Variants in LRBA observed in about 807,000 individuals in gnomAD.
The protein encoded by LRBA is LPS responsive beige-like anchor protein.
Under a neutral mutation model 330.0 loss-of-function variants are expected in LRBA, and 176 were observed. That is an observed-to-expected ratio of 0.53 (90% CI 0.47 to 0.60). The LOEUF (loss-of-function observed/expected upper bound fraction) is 0.60, where lower values mean the gene tolerates loss of function less well. LRBA is among the 20% of genes least tolerant of loss of function. The pLI, the probability that LRBA is intolerant of heterozygous loss-of-function variation, is 0.00. For synonymous variants in LRBA, 1,230 were observed against 1,193.0 expected, an observed-to-expected ratio of 1.03 and a Z score of -0.64; for missense variants, 3,259 against 3,444.8, an observed-to-expected ratio of 0.95 and a Z score of 1.35.
At chr4:150,397,879 T>A (rs1264897745) in intron 47 of LRBA, among the ~76,000 whole-genome samples, 1 of 152,200 alleles carries the variant, frequency 6.6e-6, no homozygotes, top group African/African-American at 2.4e-5. Flanking sequence ...TACAACAATG[T>A]CTGGTGCATA....
chr4:150,579,310 C>T (rs1281704006), intron 40 of LRBA: 1 of 456,324 alleles, frequency 2.2e-6, no homozygotes, highest in Non-Finnish European at 4.4e-6. Context: ...GAAGAGAGGA[C>T]CGCAAAGGCG....
chr4:150,340,487 G>A (rs1321083263), intron 48 of LRBA, among the ~76,000 whole-genome samples: 1 of 152,068 alleles, frequency 6.6e-6, no homozygotes, highest in Admixed American at 6.6e-5. Flanking sequence ...TCAATTTAAT[G>A]TCATTGATTA....
At position 150,264,533 on chromosome 4, in the gene LRBA, T is replaced by C. The variant is rs1745068376; in HGVS notation, c.*1189A>G. ...CCAACAATTCAATTACAGATGCCAT[T>C]TTATTCAGCTTTTTCTGTCAAACTG... is the stretch of plus-strand genomic sequence containing the variant. On this transcript the variant is annotated 3_prime_UTR_variant, in exon 57 of 57. Transcript: ENST00000651943. The C allele has an allele frequency of 6.6e-6, 1 of 152,280 alleles. No homozygotes were observed. Among genetic ancestry groups the C allele is most frequent in the South Asian group, 2.1e-4 (1 of 4,836 alleles). The allele number at this position is 152,280 out of a possible 1,614,324, so 9.4% of individuals were successfully genotyped here. A position where few individuals can be genotyped will look rare whatever the true frequency, so the allele number is the denominator to read the frequency against.
intron 40 of LRBA, among the ~76,000 whole-genome samples, chr4:150,513,463 C>G (rs530458195): frequency 6.6e-6 from 1 of 152,328 alleles, no homozygotes; most frequent in South Asian, 2.1e-4. Flanking sequence ...ACTGGGAACA[C>G]AGCATCCACC....
chr4:150,993,866 G>A (rs1232098998), intron 2 of LRBA, among the ~76,000 whole-genome samples: 6 of 151,798 alleles, frequency 4.0e-5, no homozygotes, highest in Non-Finnish European at 1.5e-5. Context: ...AGATTTGGGT[G>A]GGGACACAGA....
At chr4:150,701,520 T>C (rs925509615) in intron 36 of LRBA, among the ~76,000 whole-genome samples, 3 of 152,192 alleles carry the variant, frequency 2.0e-5, no homozygotes, top group Admixed American at 6.5e-5. Flanking sequence ...ACAATGTCAG[T>C]AGGCAACAGG....
rs151098416 is a variant in LRBA, at chr4:150,353,153, T to C, written c.7195-2994A>G. ...AGCTCTACTATAATAGATTAGCATA[T>C]AATATCTCTGAGTTTACAAAAAATA... is the stretch of plus-strand genomic sequence containing the variant. On this transcript the variant is annotated intron_variant, in intron 47 of 56. Transcript: ENST00000651943. 2.0e-5 allele frequency among the ~76,000 whole-genome samples: 3 copies of C among 152,188 alleles called. No individual in the cohort carries two copies. In the East Asian group the frequency reaches 5.8e-4, roughly 29 times the overall value.
intron 37 of LRBA, among the ~76,000 whole-genome samples, chr4:150,654,734 C>T (rs1780018302): frequency 1.3e-5 from 2 of 152,264 alleles, no homozygotes; most frequent in Admixed American, 6.5e-5. Flanking sequence ...TGATGTTCCC[C>T]TTCCTGTGTC....
chr4:150,350,088 T>C lies in LRBA; in HGVS notation c.7266A>G (p.Gln2422=), dbSNP rs1429158694. 1 of 1,610,038 alleles carries C rather than the reference T, an allele frequency of 6.2e-7. No homozygotes were observed. The highest frequency in any genetic ancestry group is 8.5e-7 in the Non-Finnish European group (1 of 1,178,614). ...TGAGGGCTCGGACAGCTTCTGGTCC[T>C]TGCTGTTTATAGCCAAAAATGAGAT... ...WIDLIFGYKQ[Q]GPEAVRALNV... is the part of the protein sequence containing the mutation. Residue 2422 remains glutamine, a synonymous_variant, in exon 48 of 57, where the codon CAA becomes CAG. Transcript: ENST00000651943.
intron 31 of LRBA, among the ~76,000 whole-genome samples, chr4:150,812,700 A>G (rs1212142143): frequency 2.6e-5 from 4 of 152,208 alleles, no homozygotes; most frequent in African/African-American, 4.8e-5. Context: ...AATAATGTAT[A>G]TGGCTCTGAT....
At chr4:150,379,577 T>A (rs997413777) in intron 47 of LRBA, among the ~76,000 whole-genome samples, 2 of 152,052 alleles carry the variant, frequency 1.3e-5, no homozygotes, top group African/African-American at 4.8e-5. Context: ...GGGTCACACA[T>A]CTATGCTATT....
chr4:150,768,451 C>T (rs1736084271), intron 34 of LRBA, among the ~76,000 whole-genome samples: 1 of 152,154 alleles, frequency 6.6e-6, no homozygotes, highest in African/African-American at 2.4e-5. Context: ...CCATGGTAAA[C>T]ATTGGAAGTT....
intron 48 of LRBA, among the ~76,000 whole-genome samples, chr4:150,329,105 C>G (rs988134774): frequency 2.6e-5 from 4 of 152,124 alleles, no homozygotes; most frequent in African/African-American, 9.7e-5. Flanking sequence ...TCTGATTATT[C>G]TATCTCAATG....
chr4:151,009,910 G>A (rs917539714), intron 2 of LRBA, among the ~76,000 whole-genome samples: 3 of 151,934 alleles, frequency 2.0e-5, no homozygotes, highest in Middle Eastern at 3.2e-3. Context: ...AACCTGGGAG[G>A]CGGACCTTGC....
At chr4:150,510,844 AT>A (rs1342069788) in intron 40 of LRBA, among the ~76,000 whole-genome samples, 1 of 151,590 alleles carries the variant, frequency 6.6e-6, no homozygotes, top group African/African-American at 2.4e-5. Flanking sequence ...ATTTTTTATT[AT>A]TTTATTTATT....
chr4:150,684,349 A>C (rs1231338895), intron 36 of LRBA, among the ~76,000 whole-genome samples: 1 of 152,158 alleles, frequency 6.6e-6, no homozygotes, highest in Non-Finnish European at 1.5e-5. Context: ...TTAGAACATG[A>C]AACTGTTTGG....
intron 41 of LRBA, among the ~76,000 whole-genome samples, chr4:150,489,322 A>T (rs1402916312): frequency 1.7e-3 from 40 of 22,934 alleles, no homozygotes; most frequent in Non-Finnish European, 2.4e-3. Flanking sequence ...GAATATATAA[A>T]ATATATTACA....
intron 40 of LRBA, chr4:150,579,219 T>G (rs1417167837): frequency 6.6e-6 from 3 of 456,698 alleles, no homozygotes; most frequent in South Asian, 4.6e-5. Flanking sequence ...TATACTAACA[T>G]ACATAAAAGC....
At chr4:150,775,293 A>G (rs1459780652) in intron 34 of LRBA, among the ~76,000 whole-genome samples, 1 of 152,190 alleles carries the variant, frequency 6.6e-6, no homozygotes, top group African/African-American at 2.4e-5. Context: ...GTCTTACATT[A>G]TAAATCTACT....
Sources: allele counts gnomAD v4.1 joint callset (sites outside exome capture counted in the v4.1 genomes callset), GRCh38; gene constraint gnomAD v4.1.1; transcripts MANE v1.5; gene names NCBI Gene and HGNC (gene_info 2026-07-23, HGNC 2026-07-21).